ATRX: variants seen among roughly 807,000 people sequenced by gnomAD.
ATRX encodes the protein ATRX chromatin remodeler, also known as chromatin remodeler ATRX.
In ATRX, 12 loss-of-function variants were observed where a neutral mutation model predicts 172.6. That is an observed-to-expected ratio of 0.07 (90% CI 0.04 to 0.11). The LOEUF is 0.11. Ranked by LOEUF, ATRX falls within the 10% of genes least tolerant of loss-of-function variation. The pLI, the probability that ATRX is intolerant of heterozygous loss-of-function variation, is 1.00. For missense variants in ATRX, 1,368 were observed against 1,767.4 expected (o/e 0.77, Z 4.05); for synonymous variants, 674 against 594.7 (o/e 1.13, Z -1.94).
intron 2 of ATRX, among the ~76,000 whole-genome samples, chrX:77,709,914 C>T (rs782248812): frequency 1.8e-5 from 2 of 112,245 alleles, no homozygotes. Flanking sequence ...CATATAAAAA[C>T]GTATATATAA....
intron 30 of ATRX, among the ~76,000 whole-genome samples, chrX:77,554,306 A>G (rs2064683360): frequency 9.0e-6 from 1 of 111,082 alleles, no homozygotes; most frequent in Non-Finnish European, 1.9e-5. Flanking sequence ...CTCTGTCTCA[A>G]AGAAAAAAAA....
intron 13 of ATRX, among the ~76,000 whole-genome samples, chrX:77,655,296 GA>G (rs1295045927): frequency 9.2e-6 from 1 of 109,064 alleles, no homozygotes; most frequent in Non-Finnish European, 1.9e-5. Flanking sequence ...TACCATGAAA[GA>G]AAAAAAATGG....
At chrX:77,531,050 C>A (rs1175461860) in intron 30 of ATRX, among the ~76,000 whole-genome samples, 1 of 111,853 alleles carries the variant, frequency 8.9e-6, no homozygotes, top group African/African-American at 3.2e-5. Context: ...CAGACAATTT[C>A]CTGGACAAAC....
chrX:77,619,137 G>A (rs2067478638), intron 20 of ATRX, among the ~76,000 whole-genome samples, 156 bp from the exon 21 acceptor site: 1 of 111,781 alleles, frequency 8.9e-6, no homozygotes, highest in Non-Finnish European at 1.9e-5. Context: ...ATGGTTATAA[G>A]TCTGATCTAC....
At chrX:77,615,375 A>T (rs926536674) in intron 22 of ATRX, among the ~76,000 whole-genome samples, 4 of 111,371 alleles carry the variant, frequency 3.6e-5, no homozygotes, top group Non-Finnish European at 7.5e-5. Context: ...AATATAAAAC[A>T]TTTTAAAAGG....
In ATRX at chrX:77,682,226, T is replaced by G; in HGVS notation, c.3030A>C (p.Glu1010Asp). 3 of 1,209,967 alleles carry G rather than the reference T, an allele frequency of 2.5e-6. No individual in the cohort carries two copies. The highest frequency in any genetic ancestry group is 3.4e-6 in the Non-Finnish European group (3 of 894,373). The change falls in exon 9 of 35, where the codon GAA (glutamate) becomes GAC (aspartate). Residue 1010 changes from glutamate (E) to aspartate (D), a missense_variant. Physicochemically the swap from Glu to Asp is conservative, Grantham distance 45 (BLOSUM62 2). Transcript: ENST00000373344. ...ACTTTTCAGTGCCATCAGATGAAGATTCATACTGTTGTTCCATTTTAATTA... is the reference window on the plus strand; with the variant it reads ...ACTTTTCAGTGCCATCAGATGAAGAGTCATACTGTTGTTCCATTTTAATTA... ...KKVIKMEQQY[E>D]SSSDGTEKLP...
At chrX:77,631,071 A>G (rs1173573450) in intron 19 of ATRX, among the ~76,000 whole-genome samples, 2 of 110,070 alleles carry the variant, frequency 1.8e-5, no homozygotes, top group African/African-American at 6.6e-5. Context: ...ACAATATAAC[A>G]TGAACCTGGA....
chrX:77,656,158 T>C (rs1244406504), intron 13 of ATRX, among the ~76,000 whole-genome samples: 1 of 111,633 alleles, frequency 9.0e-6, no homozygotes, highest in African/African-American at 3.2e-5. Context: ...ATGCCCACAA[T>C]AGTCAGTCAA....
At chrX:77,543,200 G>A (rs1469726701) in intron 30 of ATRX, among the ~76,000 whole-genome samples, 1 of 112,212 alleles carries the variant, frequency 8.9e-6, no homozygotes, top group Non-Finnish European at 1.9e-5. Context: ...CAACAGACAT[G>A]AAAAAATACT....
At chrX:77,636,334 G>A (rs910652837) in intron 15 of ATRX, among the ~76,000 whole-genome samples, 2 of 110,896 alleles carry the variant, frequency 1.8e-5, no homozygotes, top group African/African-American at 6.6e-5. Context: ...GACAGTGAGC[G>A]AGTTCTCACA....
chrX:77,718,935 G>A (rs1273539954), intron 1 of ATRX, among the ~76,000 whole-genome samples: 1 of 110,400 alleles, frequency 9.1e-6, no homozygotes, highest in Non-Finnish European at 1.9e-5. Flanking sequence ...TTGAGGAAGT[G>A]CAGCACACAA....
chrX:77,693,985 G>C, intron 5 of ATRX, 48 bp from the exon 6 acceptor site: 2 of 981,930 alleles, frequency 2.0e-6, no homozygotes, highest in Non-Finnish European at 2.9e-6. Flanking sequence ...AAATGTGCAA[G>C]TGAAGTACAA....
At chrX:77,530,540 C>T (rs1382672214) in intron 30 of ATRX, among the ~76,000 whole-genome samples, 4 of 111,218 alleles carry the variant, frequency 3.6e-5, no homozygotes, top group East Asian at 5.6e-4. Flanking sequence ...ACCCAGGAGG[C>T]GGAGGTTGGA....
At chrX:77,637,531 C>T (rs1360297408) in intron 15 of ATRX, among the ~76,000 whole-genome samples, 1 of 110,914 alleles carries the variant, frequency 9.0e-6, no homozygotes, top group Non-Finnish European at 1.9e-5. Context: ...AGGGTTGATC[C>T]CCCGAGTCCA....
intron 5 of ATRX, among the ~76,000 whole-genome samples, chrX:77,695,055 C>G (rs1347835793): frequency 3.6e-5 from 2 of 55,955 alleles, no homozygotes; most frequent in Non-Finnish European, 7.1e-5. Context: ...AAATTAACAA[C>G]AACGACAAAA....
At chrX:77,542,651 A>C (rs1557051435) in intron 30 of ATRX, among the ~76,000 whole-genome samples, 3 of 111,852 alleles carry the variant, frequency 2.7e-5, no homozygotes, top group Non-Finnish European at 3.8e-5. Flanking sequence ...CAGAGGCCTC[A>C]GAAATAACAC....
At chrX:77,519,228 A>C (rs113470155) in intron 34 of ATRX, among the ~76,000 whole-genome samples, 1 of 111,635 alleles carries the variant, frequency 9.0e-6, no homozygotes, top group African/African-American at 3.3e-5. Context: ...ACAGAATGCG[A>C]GAAAATATTT....
At chrX:77,782,088 C>T (rs1423412272) in intron 1 of ATRX, among the ~76,000 whole-genome samples, 1 of 112,014 alleles carries the variant, frequency 8.9e-6, no homozygotes, top group Non-Finnish European at 1.9e-5. Context: ...TCACAAATGT[C>T]TTTCTTTTCA....
At chrX:77,731,753 T>C (rs1275842949) in intron 1 of ATRX, among the ~76,000 whole-genome samples, 2 of 110,867 alleles carry the variant, frequency 1.8e-5, no homozygotes, top group African/African-American at 3.3e-5. Context: ...GGAGACAGCA[T>C]GACTTAGGGA....
Sources: allele counts gnomAD v4.1 joint callset (sites outside exome capture counted in the v4.1 genomes callset), GRCh38; gene constraint gnomAD v4.1.1; transcripts MANE v1.5; gene names NCBI Gene and HGNC (gene_info 2026-07-23, HGNC 2026-07-21).